NLGN1: variants seen among roughly 807,000 people sequenced by gnomAD.
NLGN1 encodes neuroligin 1.
In NLGN1, 12 loss-of-function variants were observed where a neutral mutation model predicts 65.5. That is an observed-to-expected ratio of 0.18 (90% CI 0.12 to 0.30). The LOEUF (loss-of-function observed/expected upper bound fraction) is 0.30. Ranked by LOEUF, NLGN1 falls within the 10% of genes least tolerant of loss-of-function variation. The probability of loss-of-function intolerance (pLI) is 1.00; values close to 1 mark genes in which losing one functional copy is unlikely to be tolerated. For missense variants in NLGN1, 750 were observed against 1,007.1 expected (o/e 0.74, Z 3.46); for synonymous variants, 350 against 359.5 (o/e 0.97, Z 0.30).
At chr3:174,190,881 C>G (rs970599281) in intron 4 of NLGN1, among the ~76,000 whole-genome samples, 2 of 151,886 alleles carry the variant, frequency 1.3e-5, no homozygotes, top group Non-Finnish European at 2.9e-5. Context: ...CAACAAAAAC[C>G]CTGATTTTCA....
chr3:173,399,468 A>G (rs1043656670), intron 1 of NLGN1: 3 of 152,156 alleles, frequency 2.0e-5, no homozygotes, highest in Non-Finnish European at 4.4e-5. Context: ...GAAATTTTCC[A>G]CTTACATTTA....
intron 3 of NLGN1, among the ~76,000 whole-genome samples, chr3:173,734,022 T>A (rs1197268131): frequency 1.3e-5 from 2 of 152,126 alleles, no homozygotes; most frequent in East Asian, 3.9e-4. Flanking sequence ...GTGTTACTTC[T>A]TTCTGTGAGC....
intron 4 of NLGN1, among the ~76,000 whole-genome samples, chr3:173,965,192 G>A (rs1015580029): frequency 3.9e-5 from 6 of 152,076 alleles, no homozygotes; most frequent in Admixed American, 1.3e-4. Context: ...CTACAGAGTA[G>A]AAGATCCAAA....
intron 3 of NLGN1, among the ~76,000 whole-genome samples, chr3:173,679,356 G>A (rs774989867): frequency 2.0e-5 from 3 of 152,140 alleles, no homozygotes; most frequent in East Asian, 1.9e-4. Context: ...GAATGAAGGA[G>A]CTGAAATAGC....
At chr3:173,622,232 A>T (rs1020368511) in intron 3 of NLGN1, among the ~76,000 whole-genome samples, 6 of 152,104 alleles carry the variant, frequency 3.9e-5, no homozygotes, top group Admixed American at 3.9e-4. Context: ...GGCCAATTAC[A>T]GACTCAGCTT....
At chr3:174,154,555 G>A (rs566527554) in intron 4 of NLGN1, among the ~76,000 whole-genome samples, 2 of 152,094 alleles carry the variant, frequency 1.3e-5, no homozygotes, top group African/African-American at 2.4e-5. Flanking sequence ...GTTACAATGA[G>A]AGCAAAATGT....
chr3:173,716,934 A>G (rs946477261), intron 3 of NLGN1, among the ~76,000 whole-genome samples: 4 of 152,176 alleles, frequency 2.6e-5, no homozygotes, highest in Non-Finnish European at 4.4e-5. Context: ...TTATCCTGAC[A>G]CATTAATCAA....
chr3:173,974,824 G>A (rs1225167532), intron 4 of NLGN1, among the ~76,000 whole-genome samples: 1 of 151,918 alleles, frequency 6.6e-6, no homozygotes, highest in Admixed American at 6.6e-5. Flanking sequence ...GCATATATTT[G>A]ATTTTATAGT....
intron 4 of NLGN1, among the ~76,000 whole-genome samples, chr3:173,985,481 T>C (rs1392493503): frequency 1.3e-5 from 2 of 152,088 alleles, no homozygotes; most frequent in Non-Finnish European, 2.9e-5. Context: ...ACAGAAAGCA[T>C]TTTGGTTTTG....
chr3:173,903,115 G>T (rs956261081), intron 4 of NLGN1, among the ~76,000 whole-genome samples: 1 of 152,090 alleles, frequency 6.6e-6, no homozygotes, highest in African/African-American at 2.4e-5. Flanking sequence ...ACAGCAGACA[G>T]GTCAGAAAAG....
At chr3:173,872,553 GTGTGTCTTTGTGCA>G (rs1299245658) in intron 4 of NLGN1, among the ~76,000 whole-genome samples, 1 of 152,134 alleles carries the variant, frequency 6.6e-6, no homozygotes, top group Non-Finnish European at 1.5e-5. Flanking sequence ...GTGTGAGTTT[GTGTGTCTTTGTGCA>G]TGCAAATGCC....
rs9853111 is a variant in NLGN1 at position 173,501,002 on chromosome 3, C to T, written c.-321+65924C>T. 9.0e-3 allele frequency among the ~76,000 whole-genome samples: 1,375 copies of T among 152,234 alleles called. 24 individuals carry two copies. Among genetic ancestry groups the T allele is most frequent in the African/African-American group, 0.032 (1,325 of 41,544 alleles). On this transcript the variant is annotated intron_variant, in intron 2 of 6. Transcript: ENST00000457714. ...TAAAAAAATAGCTACTGGGTTTTTACAGTAATCAAATGACCGTGTTAGTAT... is the reference window on the plus strand; with the variant it reads ...TAAAAAAATAGCTACTGGGTTTTTATAGTAATCAAATGACCGTGTTAGTAT...
At chr3:174,118,497 G>A (rs1230061285) in intron 4 of NLGN1, among the ~76,000 whole-genome samples, 1 of 152,046 alleles carries the variant, frequency 6.6e-6, no homozygotes, top group Non-Finnish European at 1.5e-5. Context: ...AAAAACTAAG[G>A]TTATATAACA....
intron 4 of NLGN1, among the ~76,000 whole-genome samples, chr3:174,086,353 T>G (rs1028919734): frequency 9.6e-5 from 1 of 10,400 alleles, no homozygotes; most frequent in African/African-American, 5.3e-4. Flanking sequence ...GACCGGTTTT[T>G]GGATTATATT....
intron 3 of NLGN1, among the ~76,000 whole-genome samples, chr3:173,671,445 G>A (rs2149736519): frequency 6.6e-6 from 1 of 152,274 alleles, no homozygotes; most frequent in South Asian, 2.1e-4. Flanking sequence ...TTGCGCCACT[G>A]CACTCCAGAC....
intron 3 of NLGN1, among the ~76,000 whole-genome samples, chr3:173,751,269 C>T (rs1776263911): frequency 1.3e-5 from 2 of 151,950 alleles, no homozygotes; most frequent in South Asian, 4.2e-4. Context: ...TTTCAAATAT[C>T]CTAAGAATTC....
chr3:173,444,108 A>G (rs1719723595), intron 2 of NLGN1, among the ~76,000 whole-genome samples: 2 of 152,244 alleles, frequency 1.3e-5, no homozygotes, highest in Admixed American at 1.3e-4. Flanking sequence ...CTAAAAAGGC[A>G]ATATCACTGG....
intron 4 of NLGN1, among the ~76,000 whole-genome samples, chr3:174,151,621 T>C (rs186511939): frequency 2.3e-4 from 35 of 152,302 alleles, no homozygotes; most frequent in African/African-American, 7.9e-4. Context: ...TGTAAACCTT[T>C]ACATAGCCTT....
At chr3:174,030,936 TC>T (rs1729896139) in intron 4 of NLGN1, among the ~76,000 whole-genome samples, 1 of 152,190 alleles carries the variant, frequency 6.6e-6, no homozygotes, top group Non-Finnish European at 1.5e-5. Context: ...GTTAAACCTT[TC>T]TTTATGCCAC....
Sources: allele counts gnomAD v4.1 joint callset (sites outside exome capture counted in the v4.1 genomes callset), GRCh38; gene constraint gnomAD v4.1.1; transcripts MANE v1.5; gene names NCBI Gene and HGNC (gene_info 2026-07-23, HGNC 2026-07-21).